The following PPFIBP2 variants were observed in gnomAD, a reference collection of about 807,000 sequenced individuals.
PPFIBP2 encodes liprin-beta-2.
In PPFIBP2, 118 loss-of-function variants were observed where a neutral mutation model predicts 118.3. The ratio of observed to expected loss-of-function variants is 1.00; its 90% CI spans 0.86 to 1.16. The LOEUF is 1.16. PPFIBP2 is among the 50% of genes most tolerant of loss of function. The pLI, the probability that PPFIBP2 is intolerant of heterozygous loss-of-function variation, is 0.00. For missense variants in PPFIBP2, 1,195 were observed against 1,073.1 expected, an observed-to-expected ratio of 1.11 and a Z score of -1.59; for synonymous variants, 414 against 397.4, an observed-to-expected ratio of 1.04 and a Z score of -0.50.
At chr11:7,544,721 C>T (rs1370207548) in intron 1 of PPFIBP2, among the ~76,000 whole-genome samples, 3 of 144,830 alleles carry the variant, frequency 2.1e-5, no homozygotes, top group South Asian at 2.2e-4. Flanking sequence ...TTGCAGTGAG[C>T]TGAGATTGCA....
At chr11:7,534,205 G>C (rs1850997357) in intron 1 of PPFIBP2, among the ~76,000 whole-genome samples, 1 of 152,192 alleles carries the variant, frequency 6.6e-6, no homozygotes, top group African/African-American at 2.4e-5. Context: ...AGAATTCTCT[G>C]CCCCCTGCCC....
At chr11:7,666,446 C>T in the PPFIBP2 span, 21 of 1,594,984 alleles carry the variant, frequency 1.3e-5, no homozygotes, top group Non-Finnish European at 1.5e-5. Flanking sequence ...CAATGGATGT[C>T]GTACCAATGG....
At chr11:7,666,142 G>A in the PPFIBP2 span, 10 of 604,496 alleles carry the variant, frequency 1.7e-5, no homozygotes, top group Non-Finnish European at 2.7e-5. Flanking sequence ...TATTAGATGT[G>A]TATGTGATGG....
chr11:7,522,163 CA>C (rs1849812425), intron 1 of PPFIBP2, among the ~76,000 whole-genome samples: 1 of 152,108 alleles, frequency 6.6e-6, no homozygotes, highest in Non-Finnish European at 1.5e-5. Context: ...GGACCTAAAT[CA>C]AGGCAATGGC....
At chr11:7,548,799 T>C (rs968154820) in intron 1 of PPFIBP2, among the ~76,000 whole-genome samples, 1 of 152,114 alleles carries the variant, frequency 6.6e-6, no homozygotes, top group Non-Finnish European at 1.5e-5. Flanking sequence ...CAAATCGTGC[T>C]GGGTAGAGTG....
intron 3 of PPFIBP2, among the ~76,000 whole-genome samples, chr11:7,588,238 T>C (rs1261610939): frequency 2.0e-5 from 3 of 152,120 alleles, no homozygotes; most frequent in African/African-American, 7.2e-5. Context: ...CTAGTATCAT[T>C]GTACGGTCCA....
At chr11:7,594,931 A>AG (rs1156306638) in intron 4 of PPFIBP2, among the ~76,000 whole-genome samples, 1 of 151,630 alleles carries the variant, frequency 6.6e-6, no homozygotes, top group Non-Finnish European at 1.5e-5. Context: ...AAAAAAAAAA[A>AG]AAAAAAGAAA....
At chr11:7,531,578 G>A (rs1365043750) in intron 1 of PPFIBP2, among the ~76,000 whole-genome samples, 2 of 152,180 alleles carry the variant, frequency 1.3e-5, no homozygotes, top group South Asian at 2.1e-4. Context: ...GAGGGAAGGG[G>A]AACACCAGTG....
intron 21 of PPFIBP2, among the ~76,000 whole-genome samples, chr11:7,649,925 G>A (rs970728604): frequency 1.3e-5 from 2 of 152,176 alleles, no homozygotes; most frequent in Non-Finnish European, 2.9e-5. Context: ...TGAGGAGATG[G>A]TGCAAAGGAG....
chr11:7,571,748 C>G (rs986441811), intron 3 of PPFIBP2: 3 of 152,090 alleles, frequency 2.0e-5, no homozygotes, highest in Non-Finnish European at 2.9e-5. Flanking sequence ...TAGGTGTGTC[C>G]GTGCTTTCTT....
chr11:7,642,185 G>T, intron 16 of PPFIBP2, 113 bp from the exon 17 acceptor site: 1 of 1,285,362 alleles, frequency 7.8e-7, no homozygotes, highest in Non-Finnish European at 1.1e-6. Context: ...CGGAGAAGCA[G>T]TGCTGCCGAG....
chr11:7,529,465 G>A (rs977465393), intron 1 of PPFIBP2, among the ~76,000 whole-genome samples: 3 of 152,168 alleles, frequency 2.0e-5, no homozygotes, highest in Non-Finnish European at 4.4e-5. Flanking sequence ...GGTGTCCACT[G>A]AGAATAACCG....
intron 1 of PPFIBP2, among the ~76,000 whole-genome samples, chr11:7,518,833 G>A (rs1190542341): frequency 1.3e-5 from 2 of 152,262 alleles, no homozygotes; most frequent in Non-Finnish European, 2.9e-5. Flanking sequence ...TGGCGCTGAA[G>A]TGAGGGTGGG....
At chr11:7,640,716 C>T (rs1852061499) in intron 15 of PPFIBP2, among the ~76,000 whole-genome samples, 2 of 152,194 alleles carry the variant, frequency 1.3e-5, no homozygotes, top group Non-Finnish European at 2.9e-5. Flanking sequence ...AGCCCAGGCA[C>T]CTGCACAAGA....
intron 3 of PPFIBP2, among the ~76,000 whole-genome samples, chr11:7,570,249 G>T (rs1855511054): frequency 6.6e-6 from 1 of 152,214 alleles, no homozygotes; most frequent in African/African-American, 2.4e-5. Context: ...CAGGGCTGGG[G>T]ATAGCCAGTT....
intron 2 of PPFIBP2, among the ~76,000 whole-genome samples, chr11:7,562,318 T>C (rs1854391220): frequency 6.6e-6 from 1 of 152,218 alleles, no homozygotes; most frequent in Non-Finnish European, 1.5e-5. Flanking sequence ...TGATGTCTGC[T>C]GACAGGTAGC....
At chr11:7,664,072 G>T in the PPFIBP2 span, among the ~76,000 whole-genome samples, 1 of 152,106 alleles carries the variant, frequency 6.6e-6, no homozygotes, top group Admixed American at 6.6e-5. Flanking sequence ...AGATGAACCC[G>T]GTACCTCAGA....
At position 7,597,950 on chromosome 11, in the gene PPFIBP2, A is replaced by G. The variant is rs538874632; in HGVS notation, c.486+277A>G. 8.2e-5 allele frequency: 29 copies of G among 353,252 alleles called. 2 individuals carry two copies. In the South Asian group the frequency reaches 1.1e-3, roughly 14 times the overall value. The allele number at this position is 353,252 out of a possible 1,614,324, so 21.9% of individuals were successfully genotyped here. On this transcript the variant is annotated intron_variant, in intron 5 of 23. Coordinates refer to ENST00000299492, the MANE Select transcript of PPFIBP2 (RefSeq NM_003621.5). ...ACAGCACTTTCTCCAGACCTGGTGC[A>G]GTGAGGGAGCGCTCGGCTGGGGGCC...
At chr11:7,605,882 C>T (rs1271144461) in intron 5 of PPFIBP2, 4 of 1,495,010 alleles carry the variant, frequency 2.7e-6, no homozygotes, top group Non-Finnish European at 3.5e-6. Flanking sequence ...GACTGTGCTA[C>T]TGAGAAGCTG....
Sources: allele counts gnomAD v4.1 joint callset (sites outside exome capture counted in the v4.1 genomes callset), GRCh38; gene constraint gnomAD v4.1.1; transcripts MANE v1.5; gene names NCBI Gene and HGNC (gene_info 2026-07-23, HGNC 2026-07-21).